Variants in GRID2 observed in about 807,000 individuals in gnomAD.
GRID2 encodes the protein glutamate ionotropic receptor delta type subunit 2, also known as glutamate receptor ionotropic, delta-2.
Under a neutral mutation model 114.8 loss-of-function variants are expected in GRID2, and 33 were observed. That is an observed-to-expected ratio of 0.29 (90% CI 0.22 to 0.38). The LOEUF (loss-of-function observed/expected upper bound fraction) is 0.38. GRID2 is among the 10% of genes least tolerant of loss of function. The pLI, the probability that GRID2 is intolerant of heterozygous loss-of-function variation, is 1.00. For missense variants in GRID2, 1,184 were observed against 1,257.7 expected, an observed-to-expected ratio of 0.94 and a Z score of 0.89; for synonymous variants, 505 against 449.9, an observed-to-expected ratio of 1.12 and a Z score of -1.55.
At chr4:93,633,530 A>G (rs1328854033) in intron 14 of GRID2, among the ~76,000 whole-genome samples, 2 of 152,146 alleles carry the variant, frequency 1.3e-5, no homozygotes, top group Admixed American at 6.6e-5. Flanking sequence ...TCATACATGA[A>G]TAAAAGATCT....
chr4:92,637,965 G>A (rs539940454), intron 2 of GRID2, among the ~76,000 whole-genome samples: 50 of 151,990 alleles, frequency 3.3e-4, no homozygotes, highest in Middle Eastern at 3.4e-3. Flanking sequence ...TTGCAATTTA[G>A]GAAACTCAAA....
intron 4 of GRID2, among the ~76,000 whole-genome samples, chr4:93,147,431 C>T (rs1426321671): frequency 6.6e-6 from 1 of 152,120 alleles, no homozygotes; most frequent in Non-Finnish European, 1.5e-5. Flanking sequence ...AATCTCAAAG[C>T]AATCCTTTTA....
At chr4:92,348,735 G>A (rs1727911790) in intron 1 of GRID2, among the ~76,000 whole-genome samples, 1 of 152,088 alleles carries the variant, frequency 6.6e-6, no homozygotes, top group Non-Finnish European at 1.5e-5. Flanking sequence ...CATAGTTTAT[G>A]AGATCTTGCA....
chr4:92,417,278 G>A (rs534716381), intron 1 of GRID2, among the ~76,000 whole-genome samples: 2 of 152,064 alleles, frequency 1.3e-5, no homozygotes, highest in Non-Finnish European at 2.9e-5. Flanking sequence ...ATAAGTAACG[G>A]AGAATTTAGA....
intron 4 of GRID2, among the ~76,000 whole-genome samples, chr4:93,121,375 C>T (rs1733770187): frequency 6.6e-6 from 1 of 152,134 alleles, no homozygotes; most frequent in African/African-American, 2.4e-5. Flanking sequence ...CACTATTCAA[C>T]TAGTTCTGAT....
At chr4:92,556,248 AT>A (rs1726844510) in intron 1 of GRID2, among the ~76,000 whole-genome samples, 2 of 152,118 alleles carry the variant, frequency 1.3e-5, no homozygotes, top group African/African-American at 4.8e-5. Context: ...CCTAATGCTC[AT>A]TTTTTATATC....
At chr4:93,440,052 G>A (rs1721479464) in intron 10 of GRID2, among the ~76,000 whole-genome samples, 1 of 152,004 alleles carries the variant, frequency 6.6e-6, no homozygotes, top group Non-Finnish European at 1.5e-5. Context: ...CCTTGTGCAG[G>A]GAGAGCCCAC....
intron 1 of GRID2, among the ~76,000 whole-genome samples, chr4:92,441,713 G>A (rs1472931301): frequency 1.3e-5 from 2 of 152,052 alleles, no homozygotes; most frequent in Non-Finnish European, 2.9e-5. Context: ...TGGGATATTG[G>A]CATTGAGTGG....
Position 93,127,310 on chromosome 4 carries a change from T to C in GRID2, c.735+16357T>C, listed in dbSNP as rs535535599. 2.2e-3 allele frequency among the ~76,000 whole-genome samples: 338 copies of C among 152,320 alleles called. 3 individuals are homozygous for C. Among genetic ancestry groups the C allele is most frequent in the African/African-American group, 7.9e-3 (327 of 41,586 alleles). The stretch of plus-strand genomic sequence containing the variant: ...TAGCATTTAATCAGTAAGTTTGTGT[T>C]GTGGTCTTTGAACATGCCATCTGAG... On this transcript the variant is annotated intron_variant, in intron 4 of 15. Transcript: ENST00000282020.
rs1473189018 is a variant in GRID2, at chr4:93,461,665, C to T, written c.1858+5691C>T. 2.0e-5 allele frequency among the ~76,000 whole-genome samples: 3 copies of T among 152,126 alleles called. No homozygotes were observed. In the East Asian group the frequency reaches 5.8e-4, roughly 29 times the overall value. On this transcript the variant is annotated intron_variant, in intron 11 of 15. Transcript: ENST00000282020. ...TGGAAAAATAGCTCAGGGAATCCAA[C>T]TGTGCAAAAGCAGTATGGTCCATTA...
At chr4:92,683,300 G>A (rs113495223) in intron 2 of GRID2, among the ~76,000 whole-genome samples, 8,869 of 148,898 alleles carry the variant, frequency 0.06, 266 homozygotes, top group South Asian at 0.072. Context: ...CTCCATATCA[G>A]AAAAAAAAAA....
chr4:92,790,451 T>C (rs552490631), intron 2 of GRID2, among the ~76,000 whole-genome samples: 46 of 152,012 alleles, frequency 3.0e-4, no homozygotes, highest in African/African-American at 1.0e-3. Context: ...GGTCTTATTC[T>C]GTTGCCCAGT....
At chr4:93,776,683 A>T (rs1173790427), downstream of GRID2, among the ~76,000 whole-genome samples, 2 of 152,194 alleles carry the variant, frequency 1.3e-5, no homozygotes, top group East Asian at 3.8e-4. Flanking sequence ...GCACCAATTG[A>T]AACTGTCTTC....
chr4:92,621,052 T>G (rs1367927469), intron 2 of GRID2, among the ~76,000 whole-genome samples: 1 of 151,514 alleles, frequency 6.6e-6, no homozygotes, highest in Non-Finnish European at 1.5e-5. Flanking sequence ...GCTGAGATTT[T>G]TTTCTGACTT....
chr4:93,423,514 T>G (rs904981048), intron 10 of GRID2, among the ~76,000 whole-genome samples: 1 of 151,322 alleles, frequency 6.6e-6, no homozygotes, highest in Non-Finnish European at 1.5e-5. Context: ...GCCCAGCTAA[T>G]TTTTTTGTAT....
chr4:93,762,681 G>A (rs1317574369), intron 14 of GRID2, among the ~76,000 whole-genome samples: 2 of 152,082 alleles, frequency 1.3e-5, no homozygotes, highest in Non-Finnish European at 2.9e-5. Flanking sequence ...TAGGGTCTCT[G>A]GGGGAGTTCC....
intron 2 of GRID2, among the ~76,000 whole-genome samples, chr4:92,795,101 TTGTC>T (rs1178419412): frequency 4.6e-5 from 7 of 151,518 alleles, no homozygotes; most frequent in African/African-American, 9.7e-5. Flanking sequence ...CAGGAGGACT[TTGTC>T]TGGCTGTTTT....
chr4:92,645,139 T>A (rs1024834580), intron 2 of GRID2, among the ~76,000 whole-genome samples: 2 of 151,660 alleles, frequency 1.3e-5, no homozygotes, highest in Non-Finnish European at 1.5e-5. Context: ...CTATATTTTA[T>A]AAAATATATA....
intron 1 of GRID2, among the ~76,000 whole-genome samples, chr4:92,556,007 T>A (rs1480808949): frequency 6.6e-6 from 1 of 152,108 alleles, no homozygotes; most frequent in Non-Finnish European, 1.5e-5. Context: ...TGGCTTCTCT[T>A]ACCCATGACA....
Sources: allele counts gnomAD v4.1 joint callset (sites outside exome capture counted in the v4.1 genomes callset), GRCh38; gene constraint gnomAD v4.1.1; transcripts MANE v1.5; gene names NCBI Gene and HGNC (gene_info 2026-07-23, HGNC 2026-07-21).